ATG16L2: variants seen among roughly 807,000 people sequenced by gnomAD.
The protein encoded by ATG16L2 is autophagy related 16 like 2, also known as protein Atg16l2.
A neutral mutation model predicts 84.7 loss-of-function variants in ATG16L2; 77 were observed. The observed-to-expected ratio is 0.91, with a 90% CI of 0.76 to 1.10. The LOEUF is 1.10. Ranked by LOEUF, ATG16L2 falls within the 50% of genes least tolerant of loss-of-function variation. The pLI, the probability that ATG16L2 is intolerant of heterozygous loss-of-function variation, is 0.00. For synonymous variants in ATG16L2, 361 were observed against 342.8 expected (o/e 1.05, Z -0.59); for missense variants, 782 against 817.6 (o/e 0.96, Z 0.53).
chr11:72,842,625 A>T (rs746187247), exon 6 of ATG16L2: 4 of 1,613,902 alleles, frequency 2.5e-6, no homozygotes, highest in Non-Finnish European at 3.4e-6. Flanking sequence ...AGGTACCTGA[A>T]TCTCTCTCAT....
At chr11:72,835,347 A>G (rs1860702768) in intron 5 of ATG16L2, among the ~76,000 whole-genome samples, 1 of 152,196 alleles carries the variant, frequency 6.6e-6, no homozygotes, top group Admixed American at 6.5e-5. Flanking sequence ...CAAGGACCCT[A>G]GTTCTGGAGG....
intron 5 of ATG16L2, chr11:72,840,992 T>C: frequency 6.6e-7 from 1 of 1,512,444 alleles, no homozygotes; most frequent in Non-Finnish European, 9.2e-7. Flanking sequence ...CTCATTTTAC[T>C]TGAGTTGTTG....
rs1330348439 is a variant in ATG16L2, at chr11:72,829,624, A to G, written c.*234A>G. On this transcript the variant is annotated 3_prime_UTR_variant, in exon 18 of 18. Transcript: ENST00000321297. ...ACTTTTTCTCCCAAAGTAGAAAAAA[A>G]TGATATCTGAACTGCGTCTGCCTAC... The G allele has an allele frequency of 1.1e-5, 15 of 1,343,730 alleles. No individual in the cohort carries two copies. Among genetic ancestry groups the G allele is most frequent in the Non-Finnish European group, 1.4e-5 (15 of 1,046,040 alleles). 83.2% of individuals were successfully genotyped at this position (1,343,730 alleles called of 1,614,324 possible).
chr11:72,842,959 T>C, exon 6 of ATG16L2: 3 of 931,178 alleles, frequency 3.2e-6, no homozygotes. Context: ...ATTAAAGTTG[T>C]AATTTTTTTA....
exon 6 of ATG16L2, chr11:72,842,785 A>C: frequency 6.2e-7 from 1 of 1,614,006 alleles, no homozygotes; most frequent in Non-Finnish European, 8.5e-7. Context: ...CCCTCAGGAA[A>C]AGATAACTCA....
chr11:72,829,790 A>C (rs1449140715), downstream of ATG16L2: 4 of 280,280 alleles, frequency 1.4e-5, no homozygotes, highest in Non-Finnish European at 2.2e-5. Flanking sequence ...GCTCAAGTCT[A>C]ACCATGGAAA....
Position 72,829,562 on chromosome 11 carries a change from C to A in ATG16L2, c.*172C>A. ...AAATGAAGTATGGGTTGGGGGATTACGCTAGTTTTTCTTTGTATTTTTATC... is the reference window on the plus strand; with the variant it reads ...AAATGAAGTATGGGTTGGGGGATTAAGCTAGTTTTTCTTTGTATTTTTATC... On this transcript the variant is annotated 3_prime_UTR_variant, in exon 18 of 18. Coordinates refer to ENST00000321297, the MANE Select transcript of ATG16L2 (RefSeq NM_033388.2). 1 of 1,374,526 alleles carries A rather than the reference C, an allele frequency of 7.3e-7. No homozygotes were observed. Among genetic ancestry groups the A allele is most frequent in the Non-Finnish European group, 9.4e-7 (1 of 1,065,236 alleles). The allele number at this position is 1,374,526 out of a possible 1,614,324, so 85.1% of individuals were successfully genotyped here. A position where few individuals can be genotyped will look rare whatever the true frequency, so the allele number is the denominator to read the frequency against.
In ATG16L2 at chr11:72,843,341, CAT is replaced by C. The variant is rs775506868; in HGVS notation, c.*747_*748del. 8.1e-6 allele frequency: 13 copies of C among 1,608,060 alleles called. No individual in the cohort carries two copies. The East Asian group carries it at 8.9e-5, about 11-fold the overall frequency. ...CTTTATTTCGAGCCTGGGTAAAAGA[CAT>C]GTGACAAAACAAGTTTACACACACA... On this transcript the variant is annotated 3_prime_UTR_variant, in exon 6 of 6. Transcript: ENST00000534905.
At position 72,822,791 on chromosome 11, in the gene ATG16L2, G is replaced by A; in HGVS notation, c.711-57G>A. ...CTGTCTTCAGCGTATCCTGTGCTGG[G>A]GTCGGGAGGGGCTGGCTTGGTCCCT... On this transcript the variant is annotated intron_variant, in intron 6 of 17. Transcript: ENST00000321297. The surrounding 1 kb of genome is among the most constrained non-coding windows in gnomAD (Gnocchi z 4.2). 1.5e-6 allele frequency: 2 copies of A among 1,326,112 alleles called. No homozygotes were observed. The highest frequency in any genetic ancestry group is 2.1e-6 in the Non-Finnish European group (2 of 957,324). 82.1% of individuals were successfully genotyped at this position (1,326,112 alleles called of 1,614,324 possible). A position where few individuals can be genotyped will look rare whatever the true frequency, so the allele number is the denominator to read the frequency against.
intron 14 of ATG16L2, among the ~76,000 whole-genome samples, chr11:72,828,090 G>T (rs1860470246): frequency 6.6e-6 from 1 of 152,212 alleles, no homozygotes; most frequent in Non-Finnish European, 1.5e-5. Flanking sequence ...AGACTTCATT[G>T]CTCAGATGAT....
At chr11:72,821,980 A>G in intron 4 of ATG16L2, 64 bp from the exon 5 acceptor site, 1 of 1,447,928 alleles carries the variant, frequency 6.9e-7, no homozygotes, top group Non-Finnish European at 9.0e-7. Flanking sequence ...GCTCCGAGGC[A>G]TATTCCCACT....
rs1350004010 is a variant in ATG16L2 at position 72,828,400 on chromosome 11, T to C, written c.1514T>C (p.Val505Ala). Reference sequence around the variant, plus strand: ...CAGGTCATCCCTGTGCAGGGCCGGGTCACCTCCCTGAGCCTCAGCCACGAC... The same window carrying C: ...CAGGTCATCCCTGTGCAGGGCCGGGCCACCTCCCTGAGCCTCAGCCACGAC... ...CTQVIPVQGR[V>A]TSLSLSHDQL... is the part of the protein sequence containing the mutation. The change falls in exon 15 of 18, where the codon GTC (valine) becomes GCC (alanine). Residue 505 changes from valine to alanine, a missense_variant. Val to Ala is a moderately conservative substitution (Grantham distance 64, BLOSUM62 0). Transcript: ENST00000321297. 38 of 1,614,000 alleles carry C rather than the reference T, an allele frequency of 2.4e-5. No homozygotes were observed. The highest frequency in any genetic ancestry group is 3.1e-5 in the Non-Finnish European group (37 of 1,180,028).
intron 5 of ATG16L2, among the ~76,000 whole-genome samples, chr11:72,841,242 G>T (rs1396253236): frequency 2.0e-5 from 3 of 149,220 alleles, no homozygotes; most frequent in African/African-American, 7.4e-5. Flanking sequence ...GCTGAGGCAG[G>T]AGGATCACTT....
At chr11:72,833,102 C>T (rs2135133606), downstream of ATG16L2, among the ~76,000 whole-genome samples, 1 of 152,354 alleles carries the variant, frequency 6.6e-6, no homozygotes, top group Middle Eastern at 3.4e-3. Flanking sequence ...GGTCATCTCT[C>T]AGTCCCTGGC....
Position 72,822,794 on chromosome 11 carries a change from C to CG in ATG16L2, c.711-51dup. ...TCTTCAGCGTATCCTGTGCTGGGGT[C>CG]GGGAGGGGCTGGCTTGGTCCCTTGG... On this transcript the variant is annotated intron_variant, in intron 6 of 17. Transcript: ENST00000321297. The surrounding 1 kb of genome is among the most constrained non-coding windows in gnomAD (Gnocchi z 4.2). 7.4e-7 allele frequency: 1 copy of CG among 1,347,712 alleles called. No individual in the cohort carries two copies. The highest frequency in any genetic ancestry group is 1.3e-5 in the South Asian group (1 of 76,646). 83.5% of individuals were successfully genotyped at this position (1,347,712 alleles called of 1,614,324 possible).
intron 3 of ATG16L2, among the ~76,000 whole-genome samples, chr11:72,819,194 T>A (rs1337279686): frequency 6.6e-6 from 1 of 152,018 alleles, no homozygotes; most frequent in African/African-American, 2.4e-5. Context: ...TTCTCACACA[T>A]GCTGGAAATG....
Position 72,826,694 on chromosome 11 carries a change from G to A in ATG16L2, c.1246-9G>A, listed in dbSNP as rs1351631356. On this transcript the variant is annotated splice_polypyrimidine_tract_variant and intron_variant, in intron 12 of 17. Coordinates refer to ENST00000321297, the MANE Select transcript of ATG16L2 (RefSeq NM_033388.2). ...AAACTCTTGATCCGTACCTGGGGCC[G>A]GGGTACAGGAGACACTGTCTGGACA... is the stretch of plus-strand genomic sequence containing the variant. The A allele has an allele frequency of 6.2e-7, 1 of 1,614,124 alleles. No individual in the cohort carries two copies. The highest frequency in any genetic ancestry group is 8.5e-7 in the Non-Finnish European group (1 of 1,179,996).
At chr11:72,829,858 C>G (rs1039542019), downstream of ATG16L2, among the ~76,000 whole-genome samples, 2 of 152,152 alleles carry the variant, frequency 1.3e-5, no homozygotes, top group African/African-American at 4.8e-5. Context: ...CTTGGTCCAA[C>G]CTGGTCCTGA....
chr11:72,822,485 C>G lies in ATG16L2; in HGVS notation c.652C>G (p.Gln218Glu). The change falls in exon 6 of 18, where the codon CAG (glutamine) becomes GAG (glutamate). Residue 218 changes from glutamine (Q) to glutamate (E), a missense_variant. Physicochemically the swap from Gln to Glu is conservative, Grantham distance 29. Coordinates refer to ENST00000321297, the MANE Select transcript of ATG16L2 (RefSeq NM_033388.2). This position sits in a 1 kb window ranked among gnomAD's most constrained non-coding sequence, Gnocchi z 4.2. ...TGCTTTTTACCCAACAAGGGCCAAG[C>G]AGGCGCGGGTGTCCCAGGAGCTGAA... ...LRNERRERAK[Q>E]ARVSQELKKA... 1 of 1,612,914 alleles carries G rather than the reference C, an allele frequency of 6.2e-7. No homozygotes were observed. Among genetic ancestry groups the G allele is most frequent in the South Asian group, 1.1e-5 (1 of 91,028 alleles).
Sources: gnomAD v4.1 joint callset for allele counts (sites outside exome capture counted in the v4.1 genomes callset) on GRCh38, gnomAD v4.1.1 for gene constraint, Gnocchi (gnomAD v3.1) non-coding constraint, MANE v1.5 for transcripts, NCBI Gene and HGNC (gene_info 2026-07-23, HGNC 2026-07-21) for gene names.